The following NAV2 variants were observed in gnomAD, a reference collection of about 807,000 sequenced individuals.
NAV2 encodes helicase, APC down-regulated 1.
NAV2 carries 54 observed loss-of-function variants against 223.2 expected under a neutral mutation model. The ratio of observed to expected loss-of-function variants is 0.24; its 90% CI spans 0.19 to 0.30. The LOEUF is 0.30. NAV2 is among the 10% of genes least tolerant of loss of function. NAV2 has a pLI of 1.00. For missense variants in NAV2, 2,806 were observed against 3,147.5 expected (o/e 0.89, Z 2.60); for synonymous variants, 1,279 against 1,239.3 (o/e 1.03, Z -0.67).
rs113105073 is a variant in NAV2, at chr11:20,013,857, T to C, written c.2769-22102T>C. The stretch of plus-strand genomic sequence containing the variant: ...ACATTCATACTTGGAAGGTTCTTAG[T>C]GGACCTCTGGGGTGGCAGCCTGCTC... On this transcript the variant is annotated intron_variant, in intron 11 of 37. Coordinates refer to ENST00000349880, the MANE Select transcript of NAV2 (RefSeq NM_145117.5). Among the ~76,000 whole-genome samples the C allele has an allele frequency of 7.0e-3, 1,071 of 152,300 alleles. 17 individuals are homozygous for C. Among genetic ancestry groups the C allele is most frequent in the African/African-American group, 0.025 (1,030 of 41,568 alleles).
At chr11:20,069,910 T>C (rs1260898988) in intron 22 of NAV2, among the ~76,000 whole-genome samples, 1 of 152,184 alleles carries the variant, frequency 6.6e-6, no homozygotes, top group Non-Finnish European at 1.5e-5. Context: ...ACATACCTAG[T>C]ACAGTGCTTG....
chr11:19,931,609 A>AAAAAAAAAG (rs10692495), intron 6 of NAV2, among the ~76,000 whole-genome samples: 7,138 of 137,056 alleles, frequency 0.052, 375 homozygotes, highest in African/African-American at 0.1. Flanking sequence ...AAAAAAAAAA[A>AAAAAAAAAG]GCAGAAGAAG....
chr11:20,030,435 A>C (rs2055600063), intron 11 of NAV2, among the ~76,000 whole-genome samples: 1 of 152,154 alleles, frequency 6.6e-6, no homozygotes, highest in Non-Finnish European at 1.5e-5. Context: ...TTTTATCTAG[A>C]TTTTCTTAGA....
intron 1 of NAV2, among the ~76,000 whole-genome samples, chr11:19,524,563 G>T (rs1327921637): frequency 1.3e-5 from 2 of 152,164 alleles, no homozygotes; most frequent in African/African-American, 4.8e-5. Flanking sequence ...CATTGATCTA[G>T]TGAGTTCAGC....
intron 1 of NAV2, among the ~76,000 whole-genome samples, chr11:19,668,953 T>C (rs1051436500): frequency 1.3e-5 from 2 of 152,306 alleles, no homozygotes; most frequent in Admixed American, 6.5e-5. Flanking sequence ...TTAGGAAACC[T>C]TGGATTTTCA....
chr11:20,069,365 G>A (rs1564979159), intron 22 of NAV2, among the ~76,000 whole-genome samples: 3 of 152,168 alleles, frequency 2.0e-5, no homozygotes, highest in South Asian at 2.1e-4. Flanking sequence ...AGAAGGCAGC[G>A]AAGAAAGCCA....
intron 5 of NAV2, among the ~76,000 whole-genome samples, chr11:19,888,509 T>C (rs2041221863): frequency 6.6e-6 from 1 of 152,204 alleles, no homozygotes; most frequent in Non-Finnish European, 1.5e-5. Context: ...AATCTCAAAA[T>C]GTTAGCCAGA....
chr11:19,838,722 C>G (rs2060363928), intron 2 of NAV2, among the ~76,000 whole-genome samples: 1 of 152,190 alleles, frequency 6.6e-6, no homozygotes, highest in Admixed American at 6.5e-5. Context: ...CTCCCGGGTT[C>G]AAGCAATTCT....
intron 1 of NAV2, among the ~76,000 whole-genome samples, chr11:19,698,290 G>A (rs538450444): frequency 4.1e-4 from 63 of 152,276 alleles, no homozygotes; most frequent in Non-Finnish European, 8.2e-4. Context: ...TTAAGCATTG[G>A]GGATATAATT....
At chr11:19,731,135 C>G (rs2051736802) in intron 1 of NAV2, among the ~76,000 whole-genome samples, 1 of 152,192 alleles carries the variant, frequency 6.6e-6, no homozygotes. Context: ...GTTACTAGGA[C>G]TTAGTTAGGT....
chr11:19,836,420 G>A (rs942907037), intron 2 of NAV2, among the ~76,000 whole-genome samples: 1 of 151,992 alleles, frequency 6.6e-6, no homozygotes, highest in Non-Finnish European at 1.5e-5. Flanking sequence ...AGCCGGGCGC[G>A]GTGGCGGGCG....
At position 20,044,955 on chromosome 11, in the gene NAV2, A is replaced by ATC. The variant is rs756217484; in HGVS notation, c.3200-5_3200-4dup. 2 of 1,589,776 alleles carry ATC rather than the reference A, an allele frequency of 1.3e-6. No individual in the cohort carries two copies. Among genetic ancestry groups the ATC allele is most frequent in the South Asian group, 1.1e-5 (1 of 87,174 alleles). Reference sequence around the variant, plus strand: ...CTTGGCTTGCAGGCTAATCTTGCTGATCTCTCTCTTAGGAAAAACAGACGA... The same window carrying ATC: ...CTTGGCTTGCAGGCTAATCTTGCTGATCTCTCTCTCTTAGGAAAAACAGACGA... On this transcript the variant is annotated splice_polypyrimidine_tract_variant and intron_variant, in intron 13 of 37. Coordinates refer to ENST00000349880, the MANE Select transcript of NAV2 (RefSeq NM_145117.5).
intron 17 of NAV2, among the ~76,000 whole-genome samples, chr11:20,052,282 G>A (rs963434865): frequency 6.6e-6 from 1 of 152,256 alleles, no homozygotes; most frequent in African/African-American, 2.4e-5. Flanking sequence ...TGTGAGGTAG[G>A]TATCAATGCT....
chr11:19,423,293 T>C (rs1407582212), intron 1 of NAV2, among the ~76,000 whole-genome samples: 4 of 152,234 alleles, frequency 2.6e-5, no homozygotes. Flanking sequence ...ATGTGTAAAG[T>C]GCTACTGGTA....
chr11:19,623,903 C>A (rs980685195), intron 1 of NAV2, among the ~76,000 whole-genome samples: 1 of 152,162 alleles, frequency 6.6e-6, no homozygotes, highest in African/African-American at 2.4e-5. Flanking sequence ...GTGGTTTTAT[C>A]TACCTTTGGT....
At chr11:19,668,236 G>A (rs2048473116) in intron 1 of NAV2, among the ~76,000 whole-genome samples, 1 of 152,170 alleles carries the variant, frequency 6.6e-6, no homozygotes, top group African/African-American at 2.4e-5. Flanking sequence ...GCCATCAATT[G>A]CCTTAAAAAG....
intron 11 of NAV2, chr11:20,027,281 C>T (rs2153547374): frequency 2.0e-6 from 2 of 984,928 alleles, no homozygotes; most frequent in South Asian, 9.4e-5. Flanking sequence ...TCATCCACAC[C>T]AAAGGATCTC....
intron 1 of NAV2, among the ~76,000 whole-genome samples, chr11:19,751,966 C>T (rs1175928216): frequency 2.0e-5 from 3 of 152,152 alleles, no homozygotes; most frequent in Non-Finnish European, 4.4e-5. Flanking sequence ...TCTGTGATCT[C>T]GTAGGATCTT....
At chr11:19,489,755 A>T (rs570618547) in intron 1 of NAV2, among the ~76,000 whole-genome samples, 1 of 152,306 alleles carries the variant, frequency 6.6e-6, no homozygotes, top group South Asian at 2.1e-4. Context: ...CTATTGTTAT[A>T]ATATTTCTAA....
Sources: allele counts gnomAD v4.1 joint callset (sites outside exome capture counted in the v4.1 genomes callset), GRCh38; gene constraint gnomAD v4.1.1; transcripts MANE v1.5; gene names NCBI Gene and HGNC (gene_info 2026-07-23, HGNC 2026-07-21).